The following SMKR1 variants were observed in gnomAD, a reference collection of about 807,000 sequenced individuals.
The protein encoded by SMKR1 is small lysine-rich protein 1.
SMKR1 carries 4 observed loss-of-function variants against 4.0 expected under a neutral mutation model. The observed-to-expected ratio is 1.00, with a 90% CI of 0.49 to 2.30. The LOEUF is 2.30. Among genes scored for constraint, SMKR1 ranks in the 30% most tolerant of loss-of-function variants. The pLI, the probability that SMKR1 is intolerant of heterozygous loss-of-function variation, is 0.02. For synonymous variants in SMKR1, 38 were observed against 32.5 expected (o/e 1.17, Z -0.58); for missense variants, 56 against 81.8 (o/e 0.68, Z 1.22).
At chr7:129,505,139 C>T (rs1799451784) in intron 1 of SMKR1, among the ~76,000 whole-genome samples, 1 of 152,242 alleles carries the variant, frequency 6.6e-6, no homozygotes, top group African/African-American at 2.4e-5. Flanking sequence ...TTTATGCATC[C>T]TTGCAGTGTG....
chr7:129,502,899 C>G, intron 1 of SMKR1, 72 bp downstream of exon 1: 1 of 1,528,772 alleles, frequency 6.5e-7, no homozygotes, highest in Non-Finnish European at 8.7e-7. Context: ...CCCGGAGAGG[C>G]GCGGGCGCCG....
chr7:129,510,962 C>T (rs1799520655), intron 1 of SMKR1, among the ~76,000 whole-genome samples: 1 of 152,144 alleles, frequency 6.6e-6, no homozygotes, highest in Non-Finnish European at 1.5e-5. Context: ...GCGCTTGCCA[C>T]CATGCCCAGC....
chr7:129,507,744 G>C (rs961948716), intron 1 of SMKR1, among the ~76,000 whole-genome samples: 3 of 152,042 alleles, frequency 2.0e-5, no homozygotes, highest in African/African-American at 7.2e-5. Flanking sequence ...GTATCTCCTG[G>C]TTTTCATTGC....
chr7:129,510,915 T>G (rs1204757165), intron 1 of SMKR1, among the ~76,000 whole-genome samples: 5 of 152,146 alleles, frequency 3.3e-5, no homozygotes, highest in Non-Finnish European at 7.4e-5. Flanking sequence ...TTCAGGCGAT[T>G]CTTCTACCTC....
At chr7:129,504,986 A>G (rs1282835110) in intron 1 of SMKR1, among the ~76,000 whole-genome samples, 2 of 152,242 alleles carry the variant, frequency 1.3e-5, no homozygotes, top group Non-Finnish European at 2.9e-5. Context: ...AGGGCCTGGG[A>G]CACAGTAGAT....
In SMKR1 at chr7:129,512,576, T is replaced by C; in HGVS notation, c.*135T>C. 3.2e-6 allele frequency: 3 copies of C among 926,948 alleles called. No individual in the cohort carries two copies. The highest frequency in any genetic ancestry group is 3.2e-4 in the Middle Eastern group (1 of 3,106). 57.4% of individuals were successfully genotyped at this position (926,948 alleles called of 1,614,324 possible). On this transcript the variant is annotated 3_prime_UTR_variant, in exon 2 of 2. Transcript: ENST00000462322. ...GCAAATTAAGTGTGCTTTTCTGTGA[T>C]GGTGGAAGATCAGGAAATGCACCTT... is the stretch of plus-strand genomic sequence containing the variant.
intron 1 of SMKR1, among the ~76,000 whole-genome samples, chr7:129,507,111 G>C (rs1258150282): frequency 6.6e-6 from 1 of 151,818 alleles, no homozygotes; most frequent in Non-Finnish European, 1.5e-5. Context: ...CGCCTCCTGG[G>C]TTCACACCAT....
At position 129,502,799 on chromosome 7, in the gene SMKR1, G is replaced by A; in HGVS notation, c.-26G>A. The A allele has an allele frequency of 6.5e-7, 1 of 1,535,106 alleles. No individual in the cohort carries two copies. The highest frequency in any genetic ancestry group is 1.2e-5 in the South Asian group (1 of 84,062). Reference sequence around the variant, plus strand: ...CTTCGGGATCGGGAGAGTCCACCACGCCTGCCTGCTCGGCTGAGAATCGCC... The same window carrying A: ...CTTCGGGATCGGGAGAGTCCACCACACCTGCCTGCTCGGCTGAGAATCGCC... On this transcript the variant is annotated 5_prime_UTR_variant, in exon 1 of 2. Coordinates refer to ENST00000462322, the MANE Select transcript of SMKR1 (RefSeq NM_001195243.2).
chr7:129,505,996 C>T (rs1488951826), intron 1 of SMKR1, among the ~76,000 whole-genome samples: 4 of 152,132 alleles, frequency 2.6e-5, no homozygotes, highest in African/African-American at 9.7e-5. Context: ...GCTGCATGTT[C>T]TGAGACCAGG....
At chr7:129,509,570 C>T (rs1480673625) in intron 1 of SMKR1, among the ~76,000 whole-genome samples, 1 of 151,680 alleles carries the variant, frequency 6.6e-6, no homozygotes, top group Non-Finnish European at 1.5e-5. Context: ...TAGACGGAGT[C>T]TCACTCTGTC....
chr7:129,507,673 T>G lies in SMKR1; in HGVS notation c.4-4574T>G, dbSNP rs567124946. 2.6e-5 allele frequency among the ~76,000 whole-genome samples: 4 copies of G among 152,368 alleles called. No homozygotes were observed. The East Asian group carries it at 7.7e-4, about 29-fold the overall frequency. ...ATGAGAGTTTCAGTTTCTTTACATCTTCACTAATACTTGGTAGGATCAGTC... is the reference window on the plus strand; with the variant it reads ...ATGAGAGTTTCAGTTTCTTTACATCGTCACTAATACTTGGTAGGATCAGTC... On this transcript the variant is annotated intron_variant, in intron 1 of 1. Coordinates refer to ENST00000462322, the MANE Select transcript of SMKR1 (RefSeq NM_001195243.2).
intron 1 of SMKR1, among the ~76,000 whole-genome samples, chr7:129,508,359 C>G (rs1379740421): frequency 1.3e-5 from 2 of 152,214 alleles, no homozygotes; most frequent in Non-Finnish European, 2.9e-5. Context: ...CCTATCTTGA[C>G]ACCACTATCA....
chr7:129,502,743 TG>T lies in SMKR1; in HGVS notation c.-77del, dbSNP rs1799423392. ...CCGGGGGTGCTAGGGGAACGGGCGC[TG>T]GGGGCAGCGGCCCCGGTGGATGCTA... On this transcript the variant is annotated 5_prime_UTR_variant, in exon 1 of 2. Transcript: ENST00000462322. 1 of 1,530,794 alleles carries T rather than the reference TG, an allele frequency of 6.5e-7. No homozygotes were observed. Among genetic ancestry groups the T allele is most frequent in the Non-Finnish European group, 8.7e-7 (1 of 1,143,520 alleles). 94.8% of individuals were successfully genotyped at this position (1,530,794 alleles called of 1,614,324 possible). A position where few individuals can be genotyped will look rare whatever the true frequency, so the allele number is the denominator to read the frequency against.
chr7:129,503,444 C>T (rs546255316), intron 1 of SMKR1, among the ~76,000 whole-genome samples: 6 of 152,242 alleles, frequency 3.9e-5, no homozygotes, highest in Non-Finnish European at 8.8e-5. Flanking sequence ...GCTAAAGGGG[C>T]CTCAACCTCG....
At chr7:129,508,954 TAAAG>T (rs1799496155) in intron 1 of SMKR1, among the ~76,000 whole-genome samples, 1 of 152,186 alleles carries the variant, frequency 6.6e-6, no homozygotes, top group Non-Finnish European at 1.5e-5. Context: ...CAAACCATTT[TAAAG>T]ATTAAAACAC....
intron 1 of SMKR1, among the ~76,000 whole-genome samples, chr7:129,504,093 G>A (rs1275610952): frequency 2.0e-5 from 3 of 152,112 alleles, no homozygotes; most frequent in Non-Finnish European, 4.4e-5. Context: ...CTCTCAAATT[G>A]CTGGGATTAC....
intron 1 of SMKR1, among the ~76,000 whole-genome samples, chr7:129,503,364 A>T (rs1799430957): frequency 6.7e-6 from 1 of 148,368 alleles, no homozygotes; most frequent in South Asian, 2.1e-4. Flanking sequence ...CCCTGCCCCA[A>T]GTCCTCAGGG....
In SMKR1 at chr7:129,512,438, G is replaced by C. The variant is rs917131295; in HGVS notation, c.195G>C (p.Lys65Asn). 1.0e-5 allele frequency: 16 copies of C among 1,533,800 alleles called. No homozygotes were observed. The highest frequency in any genetic ancestry group is 1.4e-5 in the Non-Finnish European group (16 of 1,146,250). ...CCAAAGGAAAGAAAGGGAGAAGCAA[G>C]TGACAGCATTTCACAACACATCTCT... ...GAPKGKKGRS[K>N] Residue 65 changes from lysine to asparagine, a missense_variant, in exon 2 of 2, where the codon AAG becomes AAC. Coordinates refer to ENST00000462322, the MANE Select transcript of SMKR1 (RefSeq NM_001195243.2).
chr7:129,506,871 T>G (rs1381433761), intron 1 of SMKR1, among the ~76,000 whole-genome samples: 1 of 144,620 alleles, frequency 6.9e-6, no homozygotes, highest in Admixed American at 6.7e-5. Context: ...TTTCTTTTTT[T>G]TTTTTTTTGA....
Sources: allele counts gnomAD v4.1 joint callset (sites outside exome capture counted in the v4.1 genomes callset), GRCh38; gene constraint gnomAD v4.1.1; transcripts MANE v1.5; gene names NCBI Gene and HGNC (gene_info 2026-07-23, HGNC 2026-07-21).